Variants in CACTIN observed in about 807,000 individuals in gnomAD.
The protein encoded by CACTIN is cactin, spliceosome C complex subunit, also known as splicing factor Cactin.
CACTIN carries 20 observed loss-of-function variants against 84.9 expected under a neutral mutation model. The observed-to-expected ratio is 0.24, with a 90% CI of 0.17 to 0.34. The LOEUF (loss-of-function observed/expected upper bound fraction) is 0.34. CACTIN is among the 10% of genes least tolerant of loss of function. The pLI is 1.00. For missense variants in CACTIN, 897 were observed against 1,117.2 expected (o/e 0.80, Z 2.81); for synonymous variants, 549 against 467.9 (o/e 1.17, Z -2.24).
At position 3,623,922 on chromosome 19, in the gene CACTIN, C is replaced by T; in HGVS notation, c.408G>A (p.Gln136=). 6.2e-7 allele frequency: 1 copy of T among 1,605,982 alleles called. No homozygotes were observed. Among genetic ancestry groups the T allele is most frequent in the South Asian group, 1.1e-5 (1 of 91,024 alleles). ...GCAGCCGCTCCTGCAGGCTCTGCTG[C>T]TGGCTCAGGGCAGCCGCGGCCGCCC... ...SPRAAAAALS[Q]QQSLQERLRL... is the part of the protein sequence containing the mutation. The change falls in exon 2 of 10, where the codon CAG becomes CAA. Residue 136 remains glutamine (Q), a synonymous_variant. Coordinates refer to ENST00000429344, the MANE Select transcript of CACTIN (RefSeq NM_001080543.2).
intron 2 of CACTIN, among the ~76,000 whole-genome samples, chr19:3,621,590 A>G (rs1025890476): frequency 1.3e-5 from 2 of 152,116 alleles, no homozygotes; most frequent in Non-Finnish European, 2.9e-5. Context: ...GGCGTCAACG[A>G]TGACCACATC....
At chr19:3,625,959 C>T (rs1017214551) in intron 1 of CACTIN, among the ~76,000 whole-genome samples, 1 of 152,212 alleles carries the variant, frequency 6.6e-6, no homozygotes, top group Admixed American at 6.5e-5. Flanking sequence ...GATTCAGGCA[C>T]TAGGAATCAG....
At chr19:3,617,664 A>C (rs897489257) in intron 6 of CACTIN, among the ~76,000 whole-genome samples, 1 of 152,196 alleles carries the variant, frequency 6.6e-6, no homozygotes, top group African/African-American at 2.4e-5. Flanking sequence ...AACGCTGGAA[A>C]CGCCTCCCAG....
chr19:3,620,447 G>C (rs771530689), intron 3 of CACTIN, 175 bp from the exon 4 acceptor site: 1 of 805,860 alleles, frequency 1.2e-6, no homozygotes, highest in Non-Finnish European at 2.1e-6. Flanking sequence ...CCTCCTGCCC[G>C]AGACTCAGCA....
At position 3,619,094 on chromosome 19, in the gene CACTIN, G is replaced by C. The variant is rs1266570087; in HGVS notation, c.1033C>G (p.Leu345Val). The C allele has an allele frequency of 6.4e-7, 1 of 1,563,886 alleles. No homozygotes were observed. The highest frequency in any genetic ancestry group is 1.9e-5 in the Admixed American group (1 of 51,880). Residue 345 changes from leucine to valine, a missense_variant, in exon 5 of 10, where the codon CTG becomes GTG. Transcript: ENST00000429344. ...GGGCTGGGTACCTGGATATCCTCCAGCAGGTCCTCCATGTCGGCCACGGTG... is the reference window on the plus strand; with the variant it reads ...GGGCTGGGTACCTGGATATCCTCCACCAGGTCCTCCATGTCGGCCACGGTG... ...GLTVADMEDL[L>V]EDIQVYMELE... is the part of the protein sequence containing the mutation.
At chr19:3,620,909 G>C (rs762596633) in intron 2 of CACTIN, 107 bp from the exon 3 acceptor site, 8 of 855,046 alleles carry the variant, frequency 9.4e-6, no homozygotes, top group Admixed American at 7.9e-5. Context: ...TGCAGAGAGA[G>C]GTGACCTGCC....
Position 3,612,199 on chromosome 19 carries a change from G to A in CACTIN, c.2001C>T (p.Asn667=), listed in dbSNP as rs200752145. The A allele has an allele frequency of 6.2e-7, 1 of 1,613,490 alleles. No individual in the cohort carries two copies. The highest frequency in any genetic ancestry group is 2.2e-5 in the East Asian group (1 of 44,884). ...ATCCCTGCACGATCTTGGGCGGTGG[G>A]TTGTCAAAGTCGTAGTGCGTCTGGT... The part of the protein sequence containing the change: ...KYNQTHYDFD[N]PPPKIVQGYK... The change falls in exon 10 of 10, where the codon AAC becomes AAT. Residue 667 remains asparagine (N), a synonymous_variant. Coordinates refer to ENST00000429344, the MANE Select transcript of CACTIN (RefSeq NM_001080543.2).
chr19:3,622,027 A>G (rs1276428284), intron 2 of CACTIN, among the ~76,000 whole-genome samples: 1 of 152,122 alleles, frequency 6.6e-6, no homozygotes, highest in Admixed American at 6.5e-5. Context: ...CCCCACAGGC[A>G]CATCCCCGTC....
In CACTIN at chr19:3,611,546, C is replaced by G. The variant is rs925047251; in HGVS notation, c.*377G>C. The G allele has an allele frequency of 5.4e-6, 2 of 367,362 alleles. No homozygotes were observed. The highest frequency in any genetic ancestry group is 1.1e-5 in the Non-Finnish European group (2 of 189,556). The allele number at this position is 367,362 out of a possible 1,614,324, so 22.8% of individuals were successfully genotyped here. On this transcript the variant is annotated 3_prime_UTR_variant, in exon 10 of 10. Coordinates refer to ENST00000429344, the MANE Select transcript of CACTIN (RefSeq NM_001080543.2). Reference sequence around the variant, plus strand: ...CCATCTCCACAACACCCTGTGTGGCCGCCACTTGGGGCAGGCCCTGTGGGC... The same window carrying G: ...CCATCTCCACAACACCCTGTGTGGCGGCCACTTGGGGCAGGCCCTGTGGGC...
intron 2 of CACTIN, 95 bp downstream of exon 2, chr19:3,623,593 C>T (rs1270857739): frequency 1.6e-5 from 18 of 1,140,450 alleles, no homozygotes; most frequent in Admixed American, 1.0e-4. Context: ...AACTCTTGCA[C>T]GATCAAGGGC....
In CACTIN at chr19:3,623,679, G is replaced by T. The variant is rs767422361; in HGVS notation, c.642+9C>A. On this transcript the variant is annotated intron_variant, in intron 2 of 9. Transcript: ENST00000429344. ...ACAGGGACAGAGGCCACCACCCGGC[G>T]GGGCCCACCTTATTCCAGATGAAGG... 1.3e-6 allele frequency: 2 copies of T among 1,589,730 alleles called. No individual in the cohort carries two copies. The highest frequency in any genetic ancestry group is 2.3e-5 in the East Asian group (1 of 43,578).
chr19:3,610,830 G>C lies in CACTIN; in HGVS notation c.*1093C>G, dbSNP rs779633714. On this transcript the variant is annotated 3_prime_UTR_variant, in exon 10 of 10. Coordinates refer to ENST00000429344, the MANE Select transcript of CACTIN (RefSeq NM_001080543.2). ...TCTGGGGCTGGTGACTGGTGAGGTT[G>C]GGTGGCCCTCTGGGGGTCCGGGAGG... is the stretch of plus-strand genomic sequence containing the variant. 2.2e-6 allele frequency: 1 copy of C among 456,834 alleles called. No individual in the cohort carries two copies. Among genetic ancestry groups the C allele is most frequent in the South Asian group, 1.5e-5 (1 of 64,570 alleles). 28.3% of individuals were successfully genotyped at this position (456,834 alleles called of 1,614,324 possible).
Position 3,613,080 on chromosome 19 carries a change from C to A in CACTIN, c.1764G>T (p.Ser588=). 1 of 1,577,484 alleles carries A rather than the reference C, an allele frequency of 6.3e-7. No homozygotes were observed. The highest frequency in any genetic ancestry group is 8.6e-7 in the Non-Finnish European group (1 of 1,167,452). Residue 588 remains serine, a synonymous_variant, in exon 9 of 10, where the codon TCG becomes TCT. Coordinates refer to ENST00000429344, the MANE Select transcript of CACTIN (RefSeq NM_001080543.2). The part of the protein sequence containing the change: ...PDEDLQRLQL[S]RQQLQVTGDA... ...TACCCGTGACCTGGAGCTGCTGGCGCGAGAGCTGCAGGCGCTGCAGGTCCT... is the reference window on the plus strand; with the variant it reads ...TACCCGTGACCTGGAGCTGCTGGCGAGAGAGCTGCAGGCGCTGCAGGTCCT...
Position 3,611,185 on chromosome 19 carries a change from C to A in CACTIN, c.*738G>T, listed in dbSNP as rs1197595697. 2.5e-6 allele frequency: 1 copy of A among 408,130 alleles called. No individual in the cohort carries two copies. The highest frequency in any genetic ancestry group is 2.9e-5 in the Admixed American group (1 of 34,418). 25.3% of individuals were successfully genotyped at this position (408,130 alleles called of 1,614,324 possible). A position where few individuals can be genotyped will look rare whatever the true frequency, so the allele number is the denominator to read the frequency against. Reference sequence around the variant, plus strand: ...AGGACGGCTCAGTGACTTTTGGTTCCCACGACCTTGACAGAGACAGGGACC... The same window carrying A: ...AGGACGGCTCAGTGACTTTTGGTTCACACGACCTTGACAGAGACAGGGACC... On this transcript the variant is annotated 3_prime_UTR_variant, in exon 10 of 10. Coordinates refer to ENST00000429344, the MANE Select transcript of CACTIN (RefSeq NM_001080543.2).
rs1311274956 is a variant in CACTIN, at chr19:3,611,711, C to T, written c.*212G>A. ...ATCAGGACCCTAGGCCAGCCTGTCCCAGTGTCTCCTCAGCTCACCATGGCA... is the reference window on the plus strand; with the variant it reads ...ATCAGGACCCTAGGCCAGCCTGTCCTAGTGTCTCCTCAGCTCACCATGGCA... On this transcript the variant is annotated 3_prime_UTR_variant, in exon 10 of 10. Coordinates refer to ENST00000429344, the MANE Select transcript of CACTIN (RefSeq NM_001080543.2). 7.5e-6 allele frequency: 5 copies of T among 666,940 alleles called. No individual in the cohort carries two copies. Among genetic ancestry groups the T allele is most frequent in the Non-Finnish European group, 1.3e-5 (5 of 382,688 alleles). 41.3% of individuals were successfully genotyped at this position (666,940 alleles called of 1,614,324 possible).
intron 6 of CACTIN, 21 bp downstream of exon 6, chr19:3,618,854 C>G (rs1420984708): frequency 3.3e-6 from 5 of 1,530,882 alleles, no homozygotes; most frequent in Non-Finnish European, 4.4e-6. Flanking sequence ...CCCTGGAGCC[C>G]AGGCCCATGC....
chr19:3,611,078 T>A lies in CACTIN; in HGVS notation c.*845A>T. The A allele has an allele frequency of 2.5e-6, 1 of 400,302 alleles. No individual in the cohort carries two copies. Among genetic ancestry groups the A allele is most frequent in the Non-Finnish European group, 5.0e-6 (1 of 198,052 alleles). 24.8% of individuals were successfully genotyped at this position (400,302 alleles called of 1,614,324 possible). On this transcript the variant is annotated 3_prime_UTR_variant, in exon 10 of 10. Transcript: ENST00000429344. ...TGAGCAGGCCAGGTGGGGGGATCCCTGGGGGAAGCCCCTCACCCTTCTCCA... is the reference window on the plus strand; with the variant it reads ...TGAGCAGGCCAGGTGGGGGGATCCCAGGGGGAAGCCCCTCACCCTTCTCCA...
In CACTIN at chr19:3,620,784, T is replaced by C; in HGVS notation, c.661A>G (p.Ile221Val). 1 of 1,613,212 alleles carries C rather than the reference T, an allele frequency of 6.2e-7. No individual in the cohort carries two copies. Among genetic ancestry groups the C allele is most frequent in the African/African-American group, 1.3e-5 (1 of 74,992 alleles). The change falls in exon 3 of 10, where the codon ATC becomes GTC. Residue 221 changes from isoleucine (I) to valine (V), a missense_variant. By Grantham distance (29) the Ile-to-Val change is conservative. This residue lies in a region of CACTIN where 304 missense variants were observed against 444.3 expected (regional missense o/e 0.68). Coordinates refer to ENST00000429344, the MANE Select transcript of CACTIN (RefSeq NM_001080543.2). ...IWNKALEKKGISHLEEKELKE... is the reference protein window; with the variant it reads ...IWNKALEKKGVSHLEEKELKE... ...AGCTCCTTCTCCTCCAGGTGGCTGATCCCCTTCTTCTCCAGGGCCTGGAAG... is the reference window on the plus strand; with the variant it reads ...AGCTCCTTCTCCTCCAGGTGGCTGACCCCCTTCTTCTCCAGGGCCTGGAAG...
chr19:3,613,333 G>C lies in CACTIN; in HGVS notation c.1511C>G (p.Pro504Arg), dbSNP rs1309693560. The change falls in exon 9 of 10, where the codon CCC (proline) becomes CGC (arginine). Residue 504 changes from proline (P) to arginine (R), a missense_variant. Pro to Arg is a moderately radical substitution (Grantham distance 103, BLOSUM62 -2). This residue lies in a region of CACTIN where 243 missense variants were observed against 239.9 expected (regional missense o/e 1.01). Coordinates refer to ENST00000429344, the MANE Select transcript of CACTIN (RefSeq NM_001080543.2). The stretch of plus-strand genomic sequence containing the variant: ...GGGGCCGCCCTCCGAGGAGGGCCCG[G>C]GCGGGGTGGGCGCCGCGTCCTCAGG... ...LEPEDAAPTP[P>R]GPSSEGGPAE... The C allele has an allele frequency of 6.6e-7, 1 of 1,519,780 alleles. No homozygotes were observed. The highest frequency in any genetic ancestry group is 8.8e-7 in the Non-Finnish European group (1 of 1,140,150). 94.1% of individuals were successfully genotyped at this position (1,519,780 alleles called of 1,614,324 possible).
Sources: allele counts gnomAD v4.1 joint callset (sites outside exome capture counted in the v4.1 genomes callset), GRCh38; gene constraint gnomAD v4.1.1; regional missense constraint gnomAD v4.1.1; transcripts MANE v1.5; gene names NCBI Gene and HGNC (gene_info 2026-07-23, HGNC 2026-07-21).